The following C2orf76 variants were observed in gnomAD, a reference collection of about 807,000 sequenced individuals.
C2orf76 encodes chromosome 2 open reading frame 76.
Under a neutral mutation model 16.9 loss-of-function variants are expected in C2orf76, and 23 were observed. The ratio of observed to expected loss-of-function variants is 1.36; its 90% CI spans 0.98 to 1.93. C2orf76 has a LOEUF of 1.93. Among genes scored for constraint, C2orf76 ranks in the 30% most tolerant of loss-of-function variants. The pLI, the probability that C2orf76 is intolerant of heterozygous loss-of-function variation, is 0.00. For synonymous variants in C2orf76, 48 were observed against 52.3 expected (o/e 0.92, Z 0.35); for missense variants, 152 against 152.6 (o/e 1.00, Z 0.02).
At chr2:119,363,258 A>G (rs550531508) in intron 1 of C2orf76, among the ~76,000 whole-genome samples, 33 of 152,116 alleles carry the variant, frequency 2.2e-4, no homozygotes, top group African/African-American at 7.7e-4. Flanking sequence ...CCCCGTCTCT[A>G]CCCAAAATAC....
rs564114505 is a variant in C2orf76 at position 119,312,680 on chromosome 2, C to G, written c.223-977G>C. Among the ~76,000 whole-genome samples the G allele has an allele frequency of 2.0e-4, 31 of 152,158 alleles. No individual in the cohort carries two copies. In the East Asian group the frequency reaches 5.4e-3, roughly 27 times the overall value. ...TTTGGGGTGGGGGTAAATGAGAGTG[C>G]TCTCCAGTGATATTTACAAATCCAG... On this transcript the variant is annotated intron_variant, in intron 4 of 5. Coordinates refer to ENST00000334816, the MANE Select transcript of C2orf76 (RefSeq NM_001322331.2).
intron 1 of C2orf76, among the ~76,000 whole-genome samples, chr2:119,346,453 G>T (rs189523024): frequency 8.2e-4 from 125 of 152,244 alleles, no homozygotes; most frequent in African/African-American, 2.9e-3. Flanking sequence ...ATACTAGTCA[G>T]TAATAAAAAT....
chr2:119,325,177 A>C (rs1407633915), intron 2 of C2orf76, among the ~76,000 whole-genome samples: 1 of 152,014 alleles, frequency 6.6e-6, no homozygotes, highest in Non-Finnish European at 1.5e-5. Context: ...CTCTACAAAA[A>C]TAAAAATTAA....
intron 1 of C2orf76, among the ~76,000 whole-genome samples, chr2:119,345,360 A>G (rs905925757): frequency 6.6e-6 from 1 of 152,212 alleles, no homozygotes; most frequent in Non-Finnish European, 1.5e-5. Flanking sequence ...CAGTGTTGGC[A>G]AGGATATGGA....
chr2:119,366,723 G>T, intron 1 of C2orf76, 67 bp downstream of exon 1: 1 of 516,928 alleles, frequency 1.9e-6, no homozygotes, highest in South Asian at 2.1e-5. Context: ...CAACGGGCCA[G>T]GACTGAACCC....
the C2orf76 span, among the ~76,000 whole-genome samples, chr2:119,285,791 A>G: frequency 6.6e-6 from 1 of 152,230 alleles, no homozygotes; most frequent in African/African-American, 2.4e-5. Flanking sequence ...TATAGCAAGG[A>G]AAGTGAATCC....
At chr2:119,305,946 A>AC (rs1558774567) in intron 5 of C2orf76, among the ~76,000 whole-genome samples, 5 of 147,690 alleles carry the variant, frequency 3.4e-5, no homozygotes, top group African/African-American at 7.4e-5. Flanking sequence ...CAACAACAAA[A>AC]AAAAAAAAAA....
chr2:119,303,426 C>G (rs1678678571), intron 5 of C2orf76, among the ~76,000 whole-genome samples: 1 of 152,290 alleles, frequency 6.6e-6, no homozygotes, highest in Non-Finnish European at 1.5e-5. Flanking sequence ...TTGGCTTTTA[C>G]AGAAAGAGCA....
At chr2:119,366,931 C>T (rs1681035374), upstream of C2orf76, 3 of 1,303,226 alleles carry the variant, frequency 2.3e-6, no homozygotes, top group Admixed American at 2.0e-5. Flanking sequence ...GGTGCTCGCC[C>T]GAGCAGGGTT....
the C2orf76 span, among the ~76,000 whole-genome samples, chr2:119,289,296 A>G: frequency 1.3e-5 from 2 of 151,958 alleles, no homozygotes; most frequent in South Asian, 4.2e-4. Context: ...TTAAGATTCT[A>G]CTCTCCTGTG....
At chr2:119,297,598 C>T (rs1678560013), downstream of C2orf76, among the ~76,000 whole-genome samples, 1 of 152,092 alleles carries the variant, frequency 6.6e-6, no homozygotes, top group South Asian at 2.1e-4. Context: ...CCTCTGCCTC[C>T]CAGGTTCAAG....
At chr2:119,349,265 T>A (rs1179961329) in intron 1 of C2orf76, among the ~76,000 whole-genome samples, 1 of 152,228 alleles carries the variant, frequency 6.6e-6, no homozygotes, top group Non-Finnish European at 1.5e-5. Flanking sequence ...GATATATGTG[T>A]ATGCATCAAC....
Position 119,302,261 on chromosome 2 carries a change from T to A in C2orf76, c.*211A>T, listed in dbSNP as rs1328291323. 2.7e-6 allele frequency: 1 copy of A among 366,748 alleles called. No homozygotes were observed. Among genetic ancestry groups the A allele is most frequent in the Non-Finnish European group, 4.9e-6 (1 of 202,534 alleles). 22.7% of individuals were successfully genotyped at this position (366,748 alleles called of 1,614,324 possible). The stretch of plus-strand genomic sequence containing the variant: ...AACAATTTATTTCCCTTTAAAAAGA[T>A]CAAATGTTTTTCTCATAATATATTA... On this transcript the variant is annotated 3_prime_UTR_variant, in exon 6 of 6. Transcript: ENST00000334816.
chr2:119,333,589 C>A (rs1261926648), intron 2 of C2orf76, among the ~76,000 whole-genome samples: 2 of 152,204 alleles, frequency 1.3e-5, no homozygotes, highest in African/African-American at 4.8e-5. Flanking sequence ...GCCAGCGAGT[C>A]AGCATTTTAG....
the C2orf76 span, among the ~76,000 whole-genome samples, chr2:119,290,812 AGAGT>A: frequency 6.6e-6 from 1 of 152,150 alleles, no homozygotes; most frequent in African/African-American, 2.4e-5. Context: ...CCTGGGCGAC[AGAGT>A]GAGACTCCGC....
chr2:119,356,839 G>A (rs1434816686), intron 1 of C2orf76, among the ~76,000 whole-genome samples: 1 of 151,638 alleles, frequency 6.6e-6, no homozygotes, highest in South Asian at 2.1e-4. Flanking sequence ...TGCAAATAGC[G>A]AAAGGATAAT....
At chr2:119,331,753 T>C (rs1474180701) in intron 2 of C2orf76, among the ~76,000 whole-genome samples, 3 of 152,204 alleles carry the variant, frequency 2.0e-5, no homozygotes, top group African/African-American at 7.2e-5. Context: ...TTATACATAG[T>C]TTTTTTAGTT....
chr2:119,311,712 A>G lies in C2orf76; in HGVS notation c.223-9T>C. ...AACACAAGTTCATTTGTCTAAAAAA[A>G]AAAAAGAAAATCTGCATTTTATCAG... On this transcript the variant is annotated splice_polypyrimidine_tract_variant and intron_variant, in intron 4 of 5. Transcript: ENST00000334816. The G allele has an allele frequency of 6.2e-7, 1 of 1,602,366 alleles. No homozygotes were observed. Among genetic ancestry groups the G allele is most frequent in the Non-Finnish European group, 8.5e-7 (1 of 1,178,006 alleles).
intron 2 of C2orf76, among the ~76,000 whole-genome samples, chr2:119,328,705 T>A (rs1679584968): frequency 6.6e-6 from 1 of 152,204 alleles, no homozygotes; most frequent in African/African-American, 2.4e-5. Flanking sequence ...TTGAAACCTT[T>A]TTTAATATTT....
Sources: gnomAD v4.1 joint callset for allele counts (sites outside exome capture counted in the v4.1 genomes callset) on GRCh38, gnomAD v4.1.1 for gene constraint, MANE v1.5 for transcripts, NCBI Gene and HGNC (gene_info 2026-07-23, HGNC 2026-07-21) for gene names.